Variants in ASTN2 observed in about 807,000 individuals in gnomAD.
ASTN2 encodes the protein astrotactin 2, also known as astrotactin-2.
A neutral mutation model predicts 139.8 loss-of-function variants in ASTN2; 54 were observed. The ratio of observed to expected loss-of-function variants is 0.39; its 90% confidence interval spans 0.31 to 0.48. The LOEUF (loss-of-function observed/expected upper bound fraction) is 0.48. ASTN2 is among the 20% of genes least tolerant of loss of function. ASTN2 has a pLI of 0.95. For missense variants in ASTN2, 1,565 were observed against 1,725.1 expected (o/e 0.91, Z 1.64); for synonymous variants, 756 against 719.5 (o/e 1.05, Z -0.81).
chr9:117,374,910 A>G, intron 1 of ASTN2, among the ~76,000 whole-genome samples: 1 of 152,188 alleles, frequency 6.6e-6, no homozygotes, highest in East Asian at 1.9e-4. Flanking sequence ...TTGAAGACCC[A>G]TCATTTCAGA....
chr9:116,827,394 A>G (rs1308434142), intron 11 of ASTN2, among the ~76,000 whole-genome samples: 2 of 151,906 alleles, frequency 1.3e-5, no homozygotes, highest in African/African-American at 2.4e-5. Context: ...AATAACAAAG[A>G]TCAGAGCAGA....
rs35759848 is a variant in ASTN2 at position 117,005,080 on chromosome 9, A to ATTTTTTT, written c.1591+3005_1591+3011dup. 3.3e-3 allele frequency among the ~76,000 whole-genome samples: 244 copies of ATTTTTTT among 74,680 alleles called. 34 individuals carry two copies. Among genetic ancestry groups the ATTTTTTT allele is most frequent in the African/African-American group, 0.011 (197 of 17,910 alleles). 49.0% of individuals were successfully genotyped at this position (74,680 alleles called of 152,430 possible). A position where few individuals can be genotyped will look rare whatever the true frequency, so the allele number is the denominator to read the frequency against. The stretch of plus-strand genomic sequence containing the variant: ...AATTTGAGTTGTGGACCTGTAGTCG[A>ATTTTTTT]TTTTTTTTTTTTTTTTTTTTTTTTG... On this transcript the variant is annotated intron_variant, in intron 7 of 22. Coordinates refer to ENST00000313400, the MANE Select transcript of ASTN2 (RefSeq NM_001365068.1).
At chr9:116,941,638 C>T (rs1835233423) in intron 10 of ASTN2, among the ~76,000 whole-genome samples, 1 of 150,718 alleles carries the variant, frequency 6.6e-6, no homozygotes, top group Non-Finnish European at 1.5e-5. Context: ...TAGAATAATG[C>T]TTGACAAAAT....
chr9:116,662,581 TAAAA>T (rs980139315), intron 16 of ASTN2, among the ~76,000 whole-genome samples: 1 of 151,830 alleles, frequency 6.6e-6, no homozygotes, highest in Non-Finnish European at 1.5e-5. Flanking sequence ...CTCAAAAAAA[TAAAA>T]AAATAATGTA....
chr9:117,077,155 A>T (rs1394227459), intron 5 of ASTN2, among the ~76,000 whole-genome samples: 2 of 152,294 alleles, frequency 1.3e-5, no homozygotes, highest in East Asian at 3.9e-4. Context: ...AACAAGGGAC[A>T]GACACAATCA....
At chr9:116,561,081 T>A (rs1449267347) in intron 19 of ASTN2, among the ~76,000 whole-genome samples, 3 of 151,936 alleles carry the variant, frequency 2.0e-5, no homozygotes, top group African/African-American at 7.3e-5. Flanking sequence ...AGGACTAACA[T>A]GTTGAGAACC....
intron 16 of ASTN2, 126 bp from the exon 17 acceptor site, chr9:116,651,919 G>A (rs1274697312): frequency 3.3e-6 from 4 of 1,208,094 alleles, no homozygotes; most frequent in Non-Finnish European, 4.6e-6. Context: ...AAAGATGATA[G>A]AGTGATTTAT....
chr9:116,664,287 C>T (rs1316501555), intron 16 of ASTN2, among the ~76,000 whole-genome samples: 3 of 151,474 alleles, frequency 2.0e-5, no homozygotes, highest in African/African-American at 7.3e-5. Flanking sequence ...CACTATGTTG[C>T]CTAGGTTGGT....
intron 5 of ASTN2, among the ~76,000 whole-genome samples, chr9:117,066,498 T>C (rs1564409895): frequency 6.7e-6 from 1 of 149,608 alleles, no homozygotes; most frequent in South Asian, 2.2e-4. Flanking sequence ...TGTGTCTTTA[T>C]ACTAGCATGA....
intron 5 of ASTN2, among the ~76,000 whole-genome samples, chr9:117,052,554 AT>A (rs2132670440): frequency 6.6e-6 from 1 of 152,340 alleles, no homozygotes; most frequent in East Asian, 1.9e-4. Flanking sequence ...TTTAAGACCA[AT>A]ACATATAAAT....
Position 116,805,755 on chromosome 9 carries a change from T to C in ASTN2, c.2273A>G (p.Glu758Gly), listed in dbSNP as rs921319078. Residue 758 changes from glutamate to glycine, a missense_variant, in exon 13 of 23, where the codon GAG (glutamate) becomes GGG (glycine). Around this residue, in one of 4 missense-constraint regions of ASTN2, gnomAD observed 503 missense variants for 591.7 expected, o/e 0.85. Coordinates refer to ENST00000313400, the MANE Select transcript of ASTN2 (RefSeq NM_001365068.1). ...KSCLMLSDVCEGPKCLKPDSK... is the reference protein window; with the variant it reads ...KSCLMLSDVCGGPKCLKPDSK... The stretch of plus-strand genomic sequence containing the variant: ...GTCAGGTTTGAGGCACTTGGGGCCC[T>C]CGCAGACATCTGAGAGCATTAAGCA... 8 of 1,613,852 alleles carry C rather than the reference T, an allele frequency of 5.0e-6. No homozygotes were observed. Among genetic ancestry groups the C allele is most frequent in the Non-Finnish European group, 6.8e-6 (8 of 1,179,870 alleles).
intron 16 of ASTN2, among the ~76,000 whole-genome samples, chr9:116,681,338 A>C (rs1859851443): frequency 6.6e-6 from 1 of 152,192 alleles, no homozygotes; most frequent in South Asian, 2.1e-4. Flanking sequence ...GACCTCTTCA[A>C]GGAGAACTAC....
At chr9:117,015,470 A>G (rs1837648344) in intron 6 of ASTN2, among the ~76,000 whole-genome samples, 1 of 152,182 alleles carries the variant, frequency 6.6e-6, no homozygotes, top group African/African-American at 2.4e-5. Context: ...AATGTCATGA[A>G]TAAGTGAAGC....
intron 1 of ASTN2, among the ~76,000 whole-genome samples, chr9:117,406,668 C>T (rs1464721762): frequency 1.3e-5 from 2 of 152,044 alleles, no homozygotes; most frequent in Non-Finnish European, 2.9e-5. Context: ...CTTCTTTTAG[C>T]CTTTGTTCCA....
chr9:117,296,073 T>C (rs1019566885), intron 1 of ASTN2, among the ~76,000 whole-genome samples: 1 of 150,640 alleles, frequency 6.6e-6, no homozygotes, highest in Non-Finnish European at 1.5e-5. Flanking sequence ...AGGTCAAGAG[T>C]TCGAGACCAG....
chr9:117,215,390 C>T (rs1050770199), intron 2 of ASTN2, among the ~76,000 whole-genome samples: 14 of 151,464 alleles, frequency 9.2e-5, no homozygotes, highest in Admixed American at 2.6e-4. Flanking sequence ...AAAGTAGGTC[C>T]TTAACAAATA....
intron 16 of ASTN2, among the ~76,000 whole-genome samples, chr9:116,684,935 G>T (rs113592990): frequency 6.6e-6 from 1 of 152,116 alleles, no homozygotes; most frequent in African/African-American, 2.4e-5. Flanking sequence ...CTAACTTTGG[G>T]AGAAATTTAG....
At chr9:116,902,804 T>C (rs1464979113) in intron 10 of ASTN2, among the ~76,000 whole-genome samples, 1 of 152,226 alleles carries the variant, frequency 6.6e-6, no homozygotes, top group Non-Finnish European at 1.5e-5. Flanking sequence ...GGGTAGATAC[T>C]GTTCCTTATC....
chr9:117,407,835 TCA>T (rs1463164984), intron 1 of ASTN2, among the ~76,000 whole-genome samples: 1 of 151,790 alleles, frequency 6.6e-6, no homozygotes, highest in South Asian at 2.1e-4. Context: ...TCTCTCTCTC[TCA>T]CTATAGTTAA....
Sources: gnomAD v4.1 joint callset for allele counts (sites outside exome capture counted in the v4.1 genomes callset) on GRCh38, gnomAD v4.1.1 for gene constraint, gnomAD v4.1.1 regional missense constraint, MANE v1.5 for transcripts, NCBI Gene and HGNC (gene_info 2026-07-23, HGNC 2026-07-21) for gene names.